SCAF8: variants seen among roughly 807,000 people sequenced by gnomAD.
SCAF8 encodes SR-related CTD associated factor 8.
SCAF8 carries 23 observed loss-of-function variants against 140.5 expected under a neutral mutation model. The observed-to-expected ratio is 0.16, with a 90% CI of 0.12 to 0.23. The LOEUF (loss-of-function observed/expected upper bound fraction) is 0.23. SCAF8 is among the 10% of genes least tolerant of loss of function. The probability of loss-of-function intolerance (pLI) is 1.00; values close to 1 mark genes in which losing one functional copy is unlikely to be tolerated. For missense variants in SCAF8, 1,397 were observed against 1,555.7 expected (o/e 0.90, Z 1.72); for synonymous variants, 575 against 528.9 (o/e 1.09, Z -1.20).
intron 14 of SCAF8, among the ~76,000 whole-genome samples, chr6:154,819,083 GTT>G (rs5881106): frequency 6.6e-6 from 1 of 151,640 alleles, no homozygotes; most frequent in Non-Finnish European, 1.5e-5. Context: ...TATACTGAGA[GTT>G]TTTTTAATAT....
chr6:154,737,008 T>G (rs1418993153), intron 1 of SCAF8, among the ~76,000 whole-genome samples: 1 of 152,242 alleles, frequency 6.6e-6, no homozygotes, highest in African/African-American at 2.4e-5. Flanking sequence ...ATACTGTTTT[T>G]TATTTTGAAT....
In SCAF8 at chr6:154,816,552, A is replaced by G. The variant is rs143667258; in HGVS notation, c.1521+736A>G. Among the ~76,000 whole-genome samples, 215 of 152,228 alleles carry G rather than the reference A, an allele frequency of 1.4e-3. 1 individual carries two copies. The highest frequency in any genetic ancestry group is 6.0e-3 in the South Asian group (29 of 4,812). On this transcript the variant is annotated intron_variant, in intron 13 of 19. Coordinates refer to ENST00000367178, the MANE Select transcript of SCAF8 (RefSeq NM_014892.5). ...CCTGCTGTGTGGTGAAATGTTTTGT[A>G]GTCATTTGTTTGGGGAGACATTTAT... is the stretch of plus-strand genomic sequence containing the variant.
At chr6:154,778,123 A>G (rs1201617732) in intron 3 of SCAF8, 78 bp downstream of exon 3, 1 of 762,692 alleles carries the variant, frequency 1.3e-6, no homozygotes, top group Non-Finnish European at 2.2e-6. Context: ...TCAAATACCC[A>G]AGTTTAAATT....
intron 7 of SCAF8, 74 bp downstream of exon 7, chr6:154,802,221 T>C: frequency 1.1e-6 from 1 of 909,564 alleles, no homozygotes; most frequent in Non-Finnish European, 1.6e-6. Flanking sequence ...TTTAATTCTA[T>C]AAATAAATTT....
In SCAF8 at chr6:154,831,952, T is replaced by C. The variant is rs771695212; in HGVS notation, c.2373T>C (p.Asp791=). ...GENTRSVIPN[D]ISSNAAILGG... Reference sequence around the variant, plus strand: ...CTTTTTTTTTAGTGATTCCAAATGATATTTCAAGTAATGCTGCAATTTTAG... The same window carrying C: ...CTTTTTTTTTAGTGATTCCAAATGACATTTCAAGTAATGCTGCAATTTTAG... The change falls in exon 20 of 20, where the codon GAT becomes GAC. Residue 791 remains aspartate (D), a synonymous_variant. Transcript: ENST00000367178. The C allele has an allele frequency of 1.9e-6, 3 of 1,591,430 alleles. No homozygotes were observed. The South Asian group carries it at 3.5e-5, about 18-fold the overall frequency.
chr6:154,781,532 A>T (rs920443036), intron 3 of SCAF8, among the ~76,000 whole-genome samples: 2 of 152,246 alleles, frequency 1.3e-5, no homozygotes, highest in Non-Finnish European at 2.9e-5. Flanking sequence ...TATAGCGAAG[A>T]CAGTCTTAAG....
intron 4 of SCAF8, among the ~76,000 whole-genome samples, chr6:154,789,426 A>G (rs932224559): frequency 6.6e-6 from 1 of 151,970 alleles, no homozygotes; most frequent in Admixed American, 6.6e-5. Context: ...TAAATTTATT[A>G]TGCTGTATTC....
intron 1 of SCAF8, among the ~76,000 whole-genome samples, chr6:154,760,452 C>T (rs1203900142): frequency 6.6e-6 from 1 of 152,114 alleles, no homozygotes; most frequent in Admixed American, 6.5e-5. Context: ...AAATAAACAT[C>T]ACTTCCCTTT....
At chr6:154,738,946 C>T (rs1167725504) in intron 1 of SCAF8, among the ~76,000 whole-genome samples, 1 of 152,090 alleles carries the variant, frequency 6.6e-6, no homozygotes, top group African/African-American at 2.4e-5. Flanking sequence ...GTGCATGACC[C>T]ATTCTTTCCT....
At chr6:154,774,100 T>G (rs915891643) in intron 2 of SCAF8, 28 bp downstream of exon 2, 4 of 1,417,652 alleles carry the variant, frequency 2.8e-6, no homozygotes, top group African/African-American at 2.8e-5. Flanking sequence ...CTCTTCTATT[T>G]TCAAAAGAAA....
chr6:154,833,615 T>G lies in SCAF8; in HGVS notation c.*220T>G. 1 of 392,786 alleles carries G rather than the reference T, an allele frequency of 2.5e-6. No individual in the cohort carries two copies. Among genetic ancestry groups the G allele is most frequent in the South Asian group, 6.8e-5 (1 of 14,780 alleles). 24.3% of individuals were successfully genotyped at this position (392,786 alleles called of 1,614,324 possible). A position where few individuals can be genotyped will look rare whatever the true frequency, so the allele number is the denominator to read the frequency against. On this transcript the variant is annotated 3_prime_UTR_variant, in exon 20 of 20. Coordinates refer to ENST00000367178, the MANE Select transcript of SCAF8 (RefSeq NM_014892.5). ...AAACTTTTTTTTTATTTTTTTCTGATAAAATACAAATGTTGGCCCCAGATT... is the reference window on the plus strand; with the variant it reads ...AAACTTTTTTTTTATTTTTTTCTGAGAAAATACAAATGTTGGCCCCAGATT...
intron 6 of SCAF8, among the ~76,000 whole-genome samples, chr6:154,795,416 A>G (rs1364241579): frequency 3.9e-5 from 6 of 152,220 alleles, no homozygotes; most frequent in Non-Finnish European, 4.4e-5. Context: ...CACTCCAGTA[A>G]CAAGACAGGA....
At chr6:154,819,172 C>T (rs1413083014) in intron 14 of SCAF8, among the ~76,000 whole-genome samples, 1 of 152,102 alleles carries the variant, frequency 6.6e-6, no homozygotes, top group African/African-American at 2.4e-5. Context: ...GTTTCTGCAA[C>T]TGAATTAAAA....
At position 154,733,676 on chromosome 6, in the gene SCAF8, G is replaced by T; in HGVS notation, c.-225G>T. On this transcript the variant is annotated 5_prime_UTR_variant, in exon 1 of 20. Coordinates refer to ENST00000367178, the MANE Select transcript of SCAF8 (RefSeq NM_014892.5). ...CGGCAGCGCCTCTGTTCCCTAGAAC[G>T]GCGCTCCCCCCGCCCTAGCGGCCAT... 1 of 1,125,856 alleles carries T rather than the reference G, an allele frequency of 8.9e-7. No individual in the cohort carries two copies. The allele number at this position is 1,125,856 out of a possible 1,614,324, so 69.7% of individuals were successfully genotyped here.
rs1183671310 is a variant in SCAF8 at position 154,794,780 on chromosome 6, GGTGTGTGTGTGTGTGT to G, written c.476-194_476-179del. 1.9e-3 allele frequency among the ~76,000 whole-genome samples: 24 copies of G among 12,532 alleles called. 2 individuals carry two copies. Among genetic ancestry groups the G allele is most frequent in the South Asian group, 0.018 (4 of 226 alleles). 8.2% of individuals were successfully genotyped at this position (12,532 alleles called of 152,430 possible). On this transcript the variant is annotated intron_variant, in intron 5 of 19. Coordinates refer to ENST00000367178, the MANE Select transcript of SCAF8 (RefSeq NM_014892.5). Reference sequence around the variant, plus strand: ...TTGGTGGGGGGGGGGGGGTGTGGGGGGTGTGTGTGTGTGTGTGTGTGTGTGTGTGTGTGTGTGTGTG... The same window carrying G: ...TTGGTGGGGGGGGGGGGGTGTGGGGGGTGTGTGTGTGTGTGTGTGTGTGTG...
At chr6:154,735,156 A>G (rs943530140) in intron 1 of SCAF8, among the ~76,000 whole-genome samples, 2 of 151,940 alleles carry the variant, frequency 1.3e-5, no homozygotes, top group Non-Finnish European at 2.9e-5. Context: ...AAAAAGTGTA[A>G]TTATGCTGGT....
chr6:154,811,133 A>G (rs1778077068), intron 12 of SCAF8, among the ~76,000 whole-genome samples: 1 of 152,162 alleles, frequency 6.6e-6, no homozygotes, highest in African/African-American at 2.4e-5. Flanking sequence ...CAACCTGATA[A>G]TATTGATTAT....
intron 1 of SCAF8, among the ~76,000 whole-genome samples, chr6:154,740,669 G>C (rs866878545): frequency 7.1e-6 from 1 of 141,192 alleles, no homozygotes. Context: ...ATCGAGGCTC[G>C]AGGGCAGTGG....
At chr6:154,758,818 A>G (rs953287981) in intron 1 of SCAF8, among the ~76,000 whole-genome samples, 29 of 152,182 alleles carry the variant, frequency 1.9e-4, no homozygotes, top group Admixed American at 1.9e-3. Context: ...ACTCTTGGCA[A>G]GGCCAGAAGG....
Sources: gnomAD v4.1 joint callset for allele counts (sites outside exome capture counted in the v4.1 genomes callset) on GRCh38, gnomAD v4.1.1 for gene constraint, MANE v1.5 for transcripts, NCBI Gene and HGNC (gene_info 2026-07-23, HGNC 2026-07-21) for gene names.